The following KIAA0825 variants were observed in gnomAD, a reference collection of about 807,000 sequenced individuals.
KIAA0825 encodes the protein KIAA0825.
Under a neutral mutation model 147.6 loss-of-function variants are expected in KIAA0825, and 119 were observed. That is an observed-to-expected ratio of 0.81 (90% CI 0.69 to 0.94). The LOEUF is 0.94. Ranked by LOEUF, KIAA0825 falls within the 40% of genes least tolerant of loss-of-function variation. The pLI, the probability that KIAA0825 is intolerant of heterozygous loss-of-function variation, is 0.00. For synonymous variants in KIAA0825, 470 were observed against 518.1 expected (o/e 0.91, Z 1.26); for missense variants, 1,381 against 1,472.7 (o/e 0.94, Z 1.02).
intron 20 of KIAA0825, among the ~76,000 whole-genome samples, chr5:94,322,737 T>C (rs1780312150): frequency 6.6e-6 from 1 of 151,956 alleles, no homozygotes; most frequent in Admixed American, 6.6e-5. Flanking sequence ...TAGTCACCAC[T>C]GTAATAATTT....
intron 5 of KIAA0825, among the ~76,000 whole-genome samples, chr5:94,491,152 C>T (rs1763688679): frequency 6.6e-6 from 1 of 151,932 alleles, no homozygotes; most frequent in Admixed American, 6.6e-5. Context: ...GAACATTAGC[C>T]ACCCTATTAT....
chr5:94,295,068 G>A (rs1778076156), intron 20 of KIAA0825, among the ~76,000 whole-genome samples: 1 of 152,004 alleles, frequency 6.6e-6, no homozygotes, highest in South Asian at 2.1e-4. Context: ...ATCAAACGTA[G>A]GTTTGGTCTT....
chr5:94,473,164 C>G (rs1053411299), intron 8 of KIAA0825, 128 bp downstream of exon 8: 8 of 685,838 alleles, frequency 1.2e-5, no homozygotes, highest in African/African-American at 1.8e-5. Context: ...AAAACTGGTA[C>G]TGGGTCAAGT....
chr5:94,530,857 T>A (rs894414964), intron 3 of KIAA0825, among the ~76,000 whole-genome samples: 6 of 152,190 alleles, frequency 3.9e-5, no homozygotes, highest in South Asian at 4.1e-4. Flanking sequence ...CACTGGCCCA[T>A]TAACTAAGAT....
intron 18 of KIAA0825, among the ~76,000 whole-genome samples, chr5:94,390,173 G>A (rs1390634647): frequency 6.6e-6 from 1 of 152,198 alleles, no homozygotes; most frequent in Non-Finnish European, 1.5e-5. Flanking sequence ...GCTTATTGGT[G>A]ATTATTGAGC....
Position 94,396,410 on chromosome 5 carries a change from A to G in KIAA0825, c.2987T>C (p.Leu996Pro). The change falls in exon 17 of 21, where the codon CTG becomes CCG. Residue 996 changes from leucine (L) to proline (P), a missense_variant. Leu to Pro is a moderately conservative substitution (Grantham distance 98). Coordinates refer to ENST00000682413, the MANE Select transcript of KIAA0825 (RefSeq NM_001145678.3). ...LPPPVKYFFF[L>P]SERKMSKKFV... ...TTTTTTTGACATTTTTCTCTCAGAC[A>G]GAAAAAAGAAGTATTTAACTGGGGG... The G allele has an allele frequency of 6.4e-7, 1 of 1,550,596 alleles. No homozygotes were observed. Among genetic ancestry groups the G allele is most frequent in the Non-Finnish European group, 8.7e-7 (1 of 1,146,666 alleles).
chr5:94,522,996 T>C (rs902338355), intron 4 of KIAA0825, among the ~76,000 whole-genome samples: 9 of 151,712 alleles, frequency 5.9e-5, no homozygotes, highest in African/African-American at 1.9e-4. Context: ...CTTCAGGAGA[T>C]AATGGGTGAG....
At chr5:94,618,362 A>C (rs1217229474) in intron 1 of KIAA0825, 138 bp downstream of exon 1, 1 of 152,758 alleles carries the variant, frequency 6.5e-6, no homozygotes, top group East Asian at 1.9e-4. Context: ...ACTGGGTGTC[A>C]AGCGCCACGG....
At chr5:94,504,353 G>A (rs921005916) in intron 5 of KIAA0825, among the ~76,000 whole-genome samples, 2 of 152,096 alleles carry the variant, frequency 1.3e-5, no homozygotes, top group African/African-American at 4.8e-5. Flanking sequence ...CAAGCAAGAG[G>A]ATCAAAGCAG....
At chr5:94,301,696 A>G (rs1456746885) in intron 20 of KIAA0825, among the ~76,000 whole-genome samples, 1 of 152,184 alleles carries the variant, frequency 6.6e-6, no homozygotes, top group Non-Finnish European at 1.5e-5. Flanking sequence ...AAGAAGAGGC[A>G]TGTGTGTGGG....
Position 94,234,263 on chromosome 5 carries a change from C to T in KIAA0825, c.3711-80139G>A, listed in dbSNP as rs867391686. On this transcript the variant is annotated intron_variant, in intron 20 of 20. Coordinates refer to ENST00000682413, the MANE Select transcript of KIAA0825 (RefSeq NM_001145678.3). ...GCGGGCACCTGTAGTCCCAGCTACG[C>T]GGGAGGCTGAGGCAGGAGAATGGCG... Among the ~76,000 whole-genome samples the T allele has an allele frequency of 1.7e-3, 261 of 151,550 alleles. 2 individuals are homozygous for T. The highest frequency in any genetic ancestry group is 5.9e-3 in the African/African-American group (243 of 41,336).
chr5:94,387,773 T>G (rs961854075), intron 18 of KIAA0825, among the ~76,000 whole-genome samples: 9 of 151,728 alleles, frequency 5.9e-5, no homozygotes, highest in African/African-American at 2.2e-4. Context: ...CCTCAATGGT[T>G]GGTGCTGAAA....
chr5:94,295,000 T>G (rs1347306498), intron 20 of KIAA0825, among the ~76,000 whole-genome samples: 1 of 152,162 alleles, frequency 6.6e-6, no homozygotes, highest in African/African-American at 2.4e-5. Flanking sequence ...TCCTGGATAA[T>G]ATACTGAAGA....
chr5:94,567,436 A>G (rs562621916), intron 2 of KIAA0825: 1 of 152,214 alleles, frequency 6.6e-6, no homozygotes, highest in African/African-American at 2.4e-5. Context: ...AAAATCCAAA[A>G]AGAAAGTGCA....
chr5:94,266,912 A>T (rs1249895355), intron 20 of KIAA0825, among the ~76,000 whole-genome samples: 1 of 152,200 alleles, frequency 6.6e-6, no homozygotes, highest in South Asian at 2.1e-4. Context: ...AAGAATATAT[A>T]AGAGTCCTTA....
rs1769412399 is a variant in KIAA0825 at position 94,526,952 on chromosome 5, T to C, written c.132-2854A>G. Among the ~76,000 whole-genome samples the C allele has an allele frequency of 3.3e-5, 5 of 151,948 alleles. No homozygotes were observed. The South Asian group carries it at 1.0e-3, about 32-fold the overall frequency. On this transcript the variant is annotated intron_variant, in intron 3 of 20. Coordinates refer to ENST00000682413, the MANE Select transcript of KIAA0825 (RefSeq NM_001145678.3). Reference sequence around the variant, plus strand: ...GTGCCTGTGGGAGGTGTAAAAAGGTTTTTCCTTGTAGAAGAGGAGATTATA... The same window carrying C: ...GTGCCTGTGGGAGGTGTAAAAAGGTCTTTCCTTGTAGAAGAGGAGATTATA...
rs570722553 is a variant in KIAA0825 at position 94,393,660 on chromosome 5, TA to T, written c.3297-1967del. ...TAGTTTAAATGCTTACATACTCATA[TA>T]TTTTTTTAAATTATGGTAGAACCAA... On this transcript the variant is annotated intron_variant, in intron 17 of 20. Transcript: ENST00000682413. 1.5e-4 allele frequency among the ~76,000 whole-genome samples: 23 copies of T among 152,322 alleles called. No individual in the cohort carries two copies. The East Asian group carries it at 3.9e-3, about 26-fold the overall frequency.
chr5:94,330,757 G>A (rs915323560), intron 20 of KIAA0825, among the ~76,000 whole-genome samples: 7 of 151,824 alleles, frequency 4.6e-5, no homozygotes, highest in African/African-American at 1.7e-4. Flanking sequence ...TCTTTAAAAG[G>A]GTTGCTTAAA....
chr5:94,511,480 C>T (rs1430310593), intron 5 of KIAA0825, among the ~76,000 whole-genome samples: 1 of 152,052 alleles, frequency 6.6e-6, no homozygotes, highest in African/African-American at 2.4e-5. Context: ...ATTAGCTGGA[C>T]GTGGTGGCAC....
Sources: gnomAD v4.1 joint callset for allele counts (sites outside exome capture counted in the v4.1 genomes callset) on GRCh38, gnomAD v4.1.1 for gene constraint, MANE v1.5 for transcripts, NCBI Gene and HGNC (gene_info 2026-07-23, HGNC 2026-07-21) for gene names.